AGBL1: variants seen among roughly 807,000 people sequenced by gnomAD.
The protein encoded by AGBL1 is cytosolic carboxypeptidase 4.
AGBL1 carries 130 observed loss-of-function variants against 118.9 expected under a neutral mutation model. The observed-to-expected ratio is 1.09, with a 90% CI of 0.95 to 1.26. The LOEUF (loss-of-function observed/expected upper bound fraction) is 1.26, where lower values mean the gene tolerates loss of function less well. AGBL1 is among the 50% of genes most tolerant of loss of function. AGBL1 has a pLI of 0.00. For synonymous variants in AGBL1, 555 were observed against 478.9 expected, an observed-to-expected ratio of 1.16 and a Z score of -2.08; for missense variants, 1,584 against 1,298.1, an observed-to-expected ratio of 1.22 and a Z score of -3.38.
intron 19 of AGBL1, among the ~76,000 whole-genome samples, chr15:86,543,432 G>GA (rs1408827840): frequency 1.3e-5 from 2 of 152,222 alleles, no homozygotes; most frequent in East Asian, 3.9e-4. Context: ...AAGAAAAAAA[G>GA]AAAAATATAT....
At chr15:86,111,994 G>T (rs888120135) in intron 1 of AGBL1, among the ~76,000 whole-genome samples, 2 of 152,170 alleles carry the variant, frequency 1.3e-5, no homozygotes, top group Non-Finnish European at 2.9e-5. Context: ...CTCCTTATGA[G>T]AATCTAATGC....
At chr15:86,881,288 A>T (rs1040098836) in intron 22 of AGBL1, among the ~76,000 whole-genome samples, 1 of 152,212 alleles carries the variant, frequency 6.6e-6, no homozygotes, top group Non-Finnish European at 1.5e-5. Context: ...AATTCTTGAC[A>T]TCGGAAGAAA....
intron 17 of AGBL1, among the ~76,000 whole-genome samples, chr15:86,392,301 G>C (rs1196216177): frequency 6.6e-6 from 1 of 151,746 alleles, no homozygotes; most frequent in Non-Finnish European, 1.5e-5. Context: ...ATTCTGTTTT[G>C]CATATTATTT....
intron 22 of AGBL1, among the ~76,000 whole-genome samples, chr15:86,680,664 A>T (rs929470788): frequency 8.0e-5 from 11 of 138,342 alleles, no homozygotes; most frequent in Non-Finnish European, 1.4e-4. Flanking sequence ...CCTCCTGGGT[A>T]CAAGGGATTA....
chr15:86,131,775 T>C (rs918809416), intron 1 of AGBL1, among the ~76,000 whole-genome samples: 30 of 151,598 alleles, frequency 2.0e-4, no homozygotes, highest in African/African-American at 7.0e-4. Flanking sequence ...ATGGTGGAAA[T>C]CCTGTCTCTA....
intron 17 of AGBL1, among the ~76,000 whole-genome samples, chr15:86,329,726 A>T (rs994668323): frequency 6.7e-6 from 1 of 148,678 alleles, no homozygotes; most frequent in African/African-American, 2.5e-5. Context: ...TGAGCTGCCA[A>T]ACTCTTTCTG....
intron 18 of AGBL1, among the ~76,000 whole-genome samples, chr15:86,415,435 A>G (rs961089491): frequency 1.3e-5 from 2 of 152,146 alleles, no homozygotes; most frequent in Admixed American, 1.3e-4. Context: ...CCTTTTTAAT[A>G]AGGCCATTAT....
At chr15:86,833,080 T>C (rs527854600) in intron 22 of AGBL1, among the ~76,000 whole-genome samples, 2 of 152,208 alleles carry the variant, frequency 1.3e-5, no homozygotes, top group African/African-American at 4.8e-5. Flanking sequence ...TCGTGAGACT[T>C]AATCACAGCA....
chr15:86,800,570 T>G (rs192564436), intron 22 of AGBL1, among the ~76,000 whole-genome samples: 157 of 152,194 alleles, frequency 1.0e-3, no homozygotes, highest in African/African-American at 3.6e-3. Flanking sequence ...GCATAACTGG[T>G]TTACAAATTT....
chr15:86,736,345 A>C (rs901538016), intron 22 of AGBL1, among the ~76,000 whole-genome samples: 2 of 151,642 alleles, frequency 1.3e-5, no homozygotes, highest in Non-Finnish European at 2.9e-5. Context: ...GTGCCACTGC[A>C]CTCCAGCCTG....
chr15:86,870,572 T>C (rs1307748598), intron 22 of AGBL1, among the ~76,000 whole-genome samples: 3 of 148,886 alleles, frequency 2.0e-5, no homozygotes, highest in Non-Finnish European at 3.0e-5. Flanking sequence ...AGGATGAAAA[T>C]TGTACACATG....
At chr15:86,248,006 C>T (rs777995983) in intron 7 of AGBL1, 127 bp downstream of exon 7, 119 of 1,254,036 alleles carry the variant, frequency 9.5e-5, no homozygotes, top group Middle Eastern at 9.3e-4. Context: ...CTGCTAAGGG[C>T]GGATGTTCTG....
In AGBL1 at chr15:86,682,109, G is replaced by A. The variant is rs2085969756; in HGVS notation, c.3158+7673G>A. Among the ~76,000 whole-genome samples, 3 of 152,260 alleles carry A rather than the reference G, an allele frequency of 2.0e-5. No individual in the cohort carries two copies. In the South Asian group the frequency reaches 6.2e-4, roughly 32 times the overall value. ...TTCAGATTTTAAAAATTAGCGCATA[G>A]TATGAAATATCTGAGACTATTCTTA... On this transcript the variant is annotated intron_variant, in intron 22 of 22. Transcript: ENST00000614907.
intron 22 of AGBL1, among the ~76,000 whole-genome samples, chr15:86,863,991 TA>T (rs1299973685): frequency 6.6e-6 from 1 of 152,178 alleles, no homozygotes; most frequent in Non-Finnish European, 1.5e-5. Context: ...TTGATACAAT[TA>T]TTAACAATGA....
chr15:86,824,366 A>G (rs931986360), intron 22 of AGBL1, among the ~76,000 whole-genome samples: 2 of 152,182 alleles, frequency 1.3e-5, no homozygotes, highest in South Asian at 4.1e-4. Context: ...CAGCACCCAC[A>G]TATACCCTTA....
At chr15:86,629,636 A>C (rs1411483633) in intron 21 of AGBL1, among the ~76,000 whole-genome samples, 1 of 152,242 alleles carries the variant, frequency 6.6e-6, no homozygotes, top group Non-Finnish European at 1.5e-5. Context: ...CCAAGGTACA[A>C]AGGTTTAATT....
chr15:86,264,110 G>A (rs1047710009), intron 10 of AGBL1, 148 bp from the exon 11 acceptor site: 4 of 675,132 alleles, frequency 5.9e-6, no homozygotes, highest in Non-Finnish European at 7.4e-6. Context: ...GACTCTTGAA[G>A]GTTAGTCTTT....
intron 15 of AGBL1, among the ~76,000 whole-genome samples, chr15:86,277,289 A>AGT (rs5814231): frequency 0.44 from 65,998 of 148,574 alleles, 14,825 homozygotes; most frequent in African/African-American, 0.53. Context: ...AGAGAGAGAG[A>AGT]GTGTGTGTGT....
At chr15:86,553,880 A>G (rs1409706119) in intron 20 of AGBL1, among the ~76,000 whole-genome samples, 1 of 144,784 alleles carries the variant, frequency 6.9e-6, no homozygotes, top group Non-Finnish European at 1.5e-5. Context: ...TTTTTTTTTG[A>G]TATGCTGTCT....
Sources: allele counts gnomAD v4.1 joint callset (sites outside exome capture counted in the v4.1 genomes callset), GRCh38; gene constraint gnomAD v4.1.1; transcripts MANE v1.5; gene names NCBI Gene and HGNC (gene_info 2026-07-23, HGNC 2026-07-21).